The following CEP63 variants were observed in gnomAD, a reference collection of about 807,000 sequenced individuals.
CEP63 encodes the protein centrosomal protein of 63 kDa.
Under a neutral mutation model 89.1 loss-of-function variants are expected in CEP63, and 84 were observed. The observed-to-expected ratio is 0.94, with a 90% CI of 0.79 to 1.13. CEP63 has a LOEUF of 1.13. CEP63 is among the 50% of genes most tolerant of loss of function. The pLI is 0.00. For missense variants in CEP63, 838 were observed against 813.3 expected (o/e 1.03, Z -0.37); for synonymous variants, 267 against 272.5 (o/e 0.98, Z 0.20).
At chr3:134,485,974 A>T, upstream of CEP63, 5 of 958,572 alleles carry the variant, frequency 5.2e-6, no homozygotes, top group Non-Finnish European at 6.1e-6. Flanking sequence ...ACCGCGGCAG[A>T]CGCTTGCTCC....
chr3:134,750,023 T>C, the CEP63 span, among the ~76,000 whole-genome samples: 1 of 152,112 alleles, frequency 6.6e-6, no homozygotes, highest in Non-Finnish European at 1.5e-5. Context: ...CAAGGGGCGC[T>C]AGTAAGCAAA....
At chr3:134,627,841 A>G in the CEP63 span, 1 of 1,592,890 alleles carries the variant, frequency 6.3e-7, no homozygotes, top group Non-Finnish European at 8.6e-7. Context: ...AAAGATCAGA[A>G]GTATAGATAC....
At chr3:134,738,041 G>C in the CEP63 span, among the ~76,000 whole-genome samples, 119 of 152,270 alleles carry the variant, frequency 7.8e-4, 1 homozygote, top group East Asian at 0.022. Context: ...AAGTGTGATT[G>C]CCTGGAGGCC....
chr3:134,515,710 A>G (rs957014778), intron 3 of CEP63, among the ~76,000 whole-genome samples: 17 of 152,228 alleles, frequency 1.1e-4, no homozygotes, highest in Non-Finnish European at 1.6e-4. Context: ...AACATCTACT[A>G]TAACAGGAGT....
chr3:134,554,871 A>G (rs1257218934), intron 12 of CEP63, among the ~76,000 whole-genome samples: 1 of 151,934 alleles, frequency 6.6e-6, no homozygotes, highest in Non-Finnish European at 1.5e-5. Flanking sequence ...TTTTGGCTGC[A>G]TAAATGTCTT....
chr3:134,659,106 C>T, the CEP63 span, among the ~76,000 whole-genome samples: 1 of 152,296 alleles, frequency 6.6e-6, no homozygotes, highest in Admixed American at 6.5e-5. Context: ...CACTCCATGG[C>T]ATTCTTGGCC....
Position 134,495,456 on chromosome 3 carries a change from T to C in CEP63, c.44+92T>C, listed in dbSNP as rs1939495757. 6.1e-6 allele frequency: 5 copies of C among 820,046 alleles called. 1 individual carries two copies. The highest frequency in any genetic ancestry group is 5.6e-5 in the South Asian group (4 of 71,428). 50.8% of individuals were successfully genotyped at this position (820,046 alleles called of 1,614,324 possible). Reference sequence around the variant, plus strand: ...ATGATACTTTGATACATACATATAATGTGTAATGATCAAATAAGGGTATTT... The same window carrying C: ...ATGATACTTTGATACATACATATAACGTGTAATGATCAAATAAGGGTATTT... On this transcript the variant is annotated intron_variant, in intron 2 of 14. Coordinates refer to ENST00000675561, the MANE Select transcript of CEP63 (RefSeq NM_001353108.3).
In CEP63 at chr3:134,559,383, A is replaced by C. The variant is rs1485859973; in HGVS notation, c.1907A>C (p.Asp636Ala). ...ALDTNEANFS[D>A]TMSESMNDQE... Reference sequence around the variant, plus strand: ...GATACAAATGAAGCCAATTTTTCTGACACTATGTCTGAGAGTATGAATGAC... The same window carrying C: ...GATACAAATGAAGCCAATTTTTCTGCCACTATGTCTGAGAGTATGAATGAC... Residue 636 changes from aspartate to alanine, a missense_variant, in exon 14 of 15, where the codon GAC (aspartate) becomes GCC (alanine). Physicochemically the swap from Asp to Ala is moderately radical, Grantham distance 126. Transcript: ENST00000675561. 3.7e-6 allele frequency: 6 copies of C among 1,613,898 alleles called. No homozygotes were observed. Among genetic ancestry groups the C allele is most frequent in the East Asian group, 4.5e-5 (2 of 44,884 alleles).
At chr3:134,697,219 A>G in the CEP63 span, among the ~76,000 whole-genome samples, 2 of 152,250 alleles carry the variant, frequency 1.3e-5, no homozygotes, top group South Asian at 4.1e-4. Context: ...CACATACAGT[A>G]AAACTAGCAT....
chr3:134,768,348 G>C, the CEP63 span, among the ~76,000 whole-genome samples: 2 of 152,278 alleles, frequency 1.3e-5, no homozygotes, highest in Admixed American at 1.3e-4. Context: ...TCAGGAACAA[G>C]GACCTCATTT....
At chr3:134,667,715 A>G in the CEP63 span, among the ~76,000 whole-genome samples, 2 of 152,138 alleles carry the variant, frequency 1.3e-5, no homozygotes, top group African/African-American at 4.8e-5. Context: ...TCACCCCTTG[A>G]GAAGGCAGAG....
chr3:134,676,813 T>C, the CEP63 span, among the ~76,000 whole-genome samples: 1 of 152,196 alleles, frequency 6.6e-6, no homozygotes, highest in South Asian at 2.1e-4. Context: ...GGTCGGATTT[T>C]CTATCGCTTA....
the CEP63 span, among the ~76,000 whole-genome samples, chr3:134,707,185 A>G: frequency 1.3e-5 from 2 of 152,332 alleles, no homozygotes; most frequent in East Asian, 3.9e-4. Context: ...TCTGTCCTAG[A>G]GTGGTAAGTC....
rs7627188 is a variant in CEP63 at position 134,521,777 on chromosome 3, C to T, written c.223-10068C>T. Among the ~76,000 whole-genome samples, 1,326 of 152,264 alleles carry T rather than the reference C, an allele frequency of 8.7e-3. 18 individuals carry two copies. The highest frequency in any genetic ancestry group is 0.031 in the African/African-American group (1,275 of 41,560). On this transcript the variant is annotated intron_variant, in intron 3 of 14. Transcript: ENST00000675561. ...GCATAAGAATCAATAGTCCAATTAA[C>T]TAAATTGAAGCGCTAATTTCTCCCT...
In CEP63 at chr3:134,495,369, GT is replaced by G; in HGVS notation, c.44+8del. On this transcript the variant is annotated splice_donor_region_variant and intron_variant, in intron 2 of 14. Transcript: ENST00000675561. ...ACAAAATCGAGGGCATGGTGGGTAA[GT>G]TTGCTTTTTTTAAAATTAATTTTTT... 1 of 1,608,242 alleles carries G rather than the reference GT, an allele frequency of 6.2e-7. No individual in the cohort carries two copies. Among genetic ancestry groups the G allele is most frequent in the Non-Finnish European group, 8.5e-7 (1 of 1,175,042 alleles).
At chr3:134,598,148 A>G in the CEP63 span, among the ~76,000 whole-genome samples, 1 of 152,198 alleles carries the variant, frequency 6.6e-6, no homozygotes. Context: ...ATGAAACACA[A>G]TACATTTCTT....
the CEP63 span, among the ~76,000 whole-genome samples, chr3:134,682,771 T>A: frequency 6.6e-6 from 1 of 152,146 alleles, no homozygotes. Context: ...CTCACACCAC[T>A]ACTCAGAGGA....
rs768859984 is a variant in CEP63 at position 134,507,220 on chromosome 3, T to G, written c.156T>G (p.Thr52=). The G allele has an allele frequency of 3.1e-6, 5 of 1,613,792 alleles. No individual in the cohort carries two copies. The East Asian group carries it at 1.1e-4, about 36-fold the overall frequency. Residue 52 remains threonine, a synonymous_variant, in exon 3 of 15, where the codon ACT becomes ACG. Coordinates refer to ENST00000675561, the MANE Select transcript of CEP63 (RefSeq NM_001353108.3). ...EWEGRTHALE[T]CLKIREQELK... ...AAGGACGTACACATGCTCTAGAAACTTGCTTGAAAATCCGTGAACAGGAAC... is the reference window on the plus strand; with the variant it reads ...AAGGACGTACACATGCTCTAGAAACGTGCTTGAAAATCCGTGAACAGGAAC...
rs113787824 is a variant in CEP63 at position 134,585,638 on chromosome 3, C to T, written c.1207-1820C>T. Among the ~76,000 whole-genome samples, 1,080 of 151,790 alleles carry T rather than the reference C, an allele frequency of 7.1e-3. 14 individuals are homozygous for T. The highest frequency in any genetic ancestry group is 0.025 in the African/African-American group (1,028 of 41,420). The stretch of plus-strand genomic sequence containing the variant: ...TATGTGGTCAATTTTAGAATAAGTG[C>T]GATGTGGTGCTGAGAAGAATGTATA... On this transcript the variant is annotated intron_variant, in intron 10 of 10. Coordinates refer to the CEP63 transcript ENST00000683931.
Sources: gnomAD v4.1 joint callset for allele counts (sites outside exome capture counted in the v4.1 genomes callset) on GRCh38, gnomAD v4.1.1 for gene constraint, MANE v1.5 for transcripts, NCBI Gene and HGNC (gene_info 2026-07-23, HGNC 2026-07-21) for gene names.